Variants in UGT1A8 observed in about 807,000 individuals in gnomAD.
The protein encoded by UGT1A8 is UDP-glucuronosyltransferase 1A8.
A neutral mutation model predicts 45.3 loss-of-function variants in UGT1A8; 39 were observed. That is an observed-to-expected ratio of 0.86 (90% CI 0.67 to 1.12). The LOEUF is 1.12. UGT1A8 is among the 50% of genes most tolerant of loss of function. UGT1A8 has a pLI of 0.00. For synonymous variants in UGT1A8, 275 were observed against 249.2 expected, an observed-to-expected ratio of 1.10 and a Z score of -0.97; for missense variants, 719 against 664.9, an observed-to-expected ratio of 1.08 and a Z score of -0.90.
At chr2:233,711,086 CTA>C (rs1559357470) in intron 1 of UGT1A8, among the ~76,000 whole-genome samples, 1 of 152,212 alleles carries the variant, frequency 6.6e-6, no homozygotes, top group Non-Finnish European at 1.5e-5. Context: ...GGCTCCAAGT[CTA>C]TCTGTGCAGC....
intron 1 of UGT1A8, among the ~76,000 whole-genome samples, chr2:233,688,855 T>C (rs748777417): frequency 1.3e-5 from 2 of 152,044 alleles, no homozygotes; most frequent in African/African-American, 4.8e-5. Context: ...GAGCTGATCA[T>C]AGGGGGCCTT....
chr2:233,755,081 A>G (rs749990272), intron 1 of UGT1A8: 10 of 1,336,302 alleles, frequency 7.5e-6, no homozygotes, highest in Non-Finnish European at 6.0e-6. Flanking sequence ...GGTCATAGAT[A>G]TCGCGTTTCT....
chr2:233,646,818 A>G (rs568939472), intron 1 of UGT1A8, among the ~76,000 whole-genome samples: 17 of 152,014 alleles, frequency 1.1e-4, no homozygotes, highest in Admixed American at 3.9e-4. Flanking sequence ...AACTTTGCCA[A>G]CCTCTGCCTG....
chr2:233,762,242 T>C (rs1400660032), intron 1 of UGT1A8, among the ~76,000 whole-genome samples: 1 of 152,116 alleles, frequency 6.6e-6, no homozygotes, highest in Non-Finnish European at 1.5e-5. Flanking sequence ...AGGCACAGAA[T>C]AGGCACCCAC....
chr2:233,707,168 A>G lies in UGT1A8; in HGVS notation c.856-59866A>G, dbSNP rs564906644. Among the ~76,000 whole-genome samples the G allele has an allele frequency of 1.5e-4, 23 of 152,172 alleles. No homozygotes were observed. The East Asian group carries it at 4.3e-3, about 28-fold the overall frequency. On this transcript the variant is annotated intron_variant, in intron 1 of 4. Transcript: ENST00000373450. ...CACTGCAGTTTATCAGCACCCAGAC[A>G]TCCATCCTGGGTGCCTGCCCTCCGT...
chr2:233,630,349 C>T (rs2073164747), intron 1 of UGT1A8, among the ~76,000 whole-genome samples: 1 of 152,154 alleles, frequency 6.6e-6, no homozygotes, highest in South Asian at 2.1e-4. Flanking sequence ...AGGTTGTCTG[C>T]AGAATCTCTC....
intron 1 of UGT1A8, among the ~76,000 whole-genome samples, chr2:233,651,121 A>T (rs879587248): frequency 3.3e-5 from 5 of 152,234 alleles, no homozygotes; most frequent in Non-Finnish European, 7.3e-5. Context: ...AGAACAGGCG[A>T]GGAGATGCAA....
At chr2:233,682,102 G>A (rs530813077) in intron 1 of UGT1A8, 1 of 1,614,164 alleles carries the variant, frequency 6.2e-7, no homozygotes, top group Non-Finnish European at 8.5e-7. Context: ...GGCATGAGGT[G>A]GTCGTAGTCA....
intron 1 of UGT1A8, among the ~76,000 whole-genome samples, chr2:233,652,500 A>G (rs905368753): frequency 2.0e-5 from 3 of 152,248 alleles, no homozygotes; most frequent in African/African-American, 4.8e-5. Flanking sequence ...TAAGGAAAAA[A>G]GGAAAATTTG....
chr2:233,653,005 C>T (rs749642851), intron 1 of UGT1A8, among the ~76,000 whole-genome samples: 2 of 152,094 alleles, frequency 1.3e-5, no homozygotes, highest in African/African-American at 2.4e-5. Flanking sequence ...AGGACACTAT[C>T]GAGAGAGTGA....
At chr2:233,675,361 A>G (rs536751286) in intron 1 of UGT1A8, among the ~76,000 whole-genome samples, 4 of 152,326 alleles carry the variant, frequency 2.6e-5, no homozygotes, top group African/African-American at 9.6e-5. Flanking sequence ...AATAGTTTTA[A>G]TGGCAAAAAG....
intron 1 of UGT1A8, among the ~76,000 whole-genome samples, chr2:233,681,233 A>C (rs1157509119): frequency 6.6e-6 from 1 of 151,968 alleles, no homozygotes; most frequent in African/African-American, 2.4e-5. Context: ...GGACAAAATA[A>C]AAATTGTCTA....
chr2:233,664,419 A>C (rs1344254725), intron 1 of UGT1A8, among the ~76,000 whole-genome samples: 2 of 152,150 alleles, frequency 1.3e-5, no homozygotes, highest in Non-Finnish European at 2.9e-5. Context: ...TCTACCCTTC[A>C]TTACGTTGCC....
At chr2:233,635,768 A>C (rs2073275320) in intron 1 of UGT1A8, among the ~76,000 whole-genome samples, 1 of 150,970 alleles carries the variant, frequency 6.6e-6, no homozygotes, top group Admixed American at 6.6e-5. Flanking sequence ...TGGTGTGTTT[A>C]GAATATAGAA....
At chr2:233,712,885 A>G in intron 1 of UGT1A8, 1 of 1,601,938 alleles carries the variant, frequency 6.2e-7, no homozygotes, top group African/African-American at 1.3e-5. Flanking sequence ...CTTCAATTAC[A>G]TGTTGATTTG....
chr2:233,718,096 T>G (rs2076629301), intron 1 of UGT1A8: 1 of 328,356 alleles, frequency 3.0e-6, no homozygotes, highest in Admixed American at 3.8e-5. Context: ...CATGTGTGCT[T>G]TAGACAGCAG....
intron 1 of UGT1A8, among the ~76,000 whole-genome samples, chr2:233,705,460 C>A (rs1045270048): frequency 6.6e-6 from 1 of 152,132 alleles, no homozygotes; most frequent in African/African-American, 2.4e-5. Flanking sequence ...TATTTTTTAG[C>A]AGACACACAT....
rs528932470 is a variant in UGT1A8, at chr2:233,768,499, A to C, written c.1295+60A>C. ...TGGCATTCATGATAAAATTGTTTCA[A>C]ATATGAAAACATTTACGTAGCATTT... On this transcript the variant is annotated intron_variant, in intron 4 of 4. Coordinates refer to ENST00000373450, the MANE Select transcript of UGT1A8 (RefSeq NM_019076.5). 123 of 1,570,454 alleles carry C rather than the reference A, an allele frequency of 7.8e-5. No individual in the cohort carries two copies. The East Asian group carries it at 1.6e-3, about 20-fold the overall frequency.
chr2:233,641,747 C>T (rs28969981), intron 1 of UGT1A8, among the ~76,000 whole-genome samples: 3,460 of 152,248 alleles, frequency 0.023, 63 homozygotes, highest in Admixed American at 0.038. Context: ...ATTTCTCCTT[C>T]CTGTTTGAAG....
Sources: gnomAD v4.1 joint callset for allele counts (sites outside exome capture counted in the v4.1 genomes callset) on GRCh38, gnomAD v4.1.1 for gene constraint, MANE v1.5 for transcripts, NCBI Gene and HGNC (gene_info 2026-07-23, HGNC 2026-07-21) for gene names.